ADAMTSL1: variants seen among roughly 807,000 people sequenced by gnomAD.
ADAMTSL1 encodes the protein ADAMTS like 1.
In ADAMTSL1, 126 loss-of-function variants were observed where a neutral mutation model predicts 201.8. The observed-to-expected ratio is 0.62, with a 90% confidence interval of 0.54 to 0.72. The LOEUF is 0.72. ADAMTSL1 is among the 30% of genes least tolerant of loss of function. The pLI is 0.00. For synonymous variants in ADAMTSL1, 1,121 were observed against 903.4 expected (o/e 1.24, Z -4.32); for missense variants, 2,679 against 2,277.8 (o/e 1.18, Z -3.59).
chr9:18,270,015 T>C (rs1832295674), intron 2 of ADAMTSL1, among the ~76,000 whole-genome samples: 1 of 152,088 alleles, frequency 6.6e-6, no homozygotes, highest in Admixed American at 6.6e-5. Flanking sequence ...CTCCTTCCCA[T>C]AATAGGCCAG....
At chr9:18,762,354 A>G (rs1217945082) in intron 16 of ADAMTSL1, among the ~76,000 whole-genome samples, 1 of 152,154 alleles carries the variant, frequency 6.6e-6, no homozygotes, top group African/African-American at 2.4e-5. Flanking sequence ...TTTAAAAAAA[A>G]TACCTATTTT....
intron 1 of ADAMTSL1, among the ~76,000 whole-genome samples, chr9:17,969,232 T>C (rs560330636): frequency 6.6e-6 from 1 of 152,216 alleles, no homozygotes; most frequent in African/African-American, 2.4e-5. Flanking sequence ...CTCTCTGCTA[T>C]TGGAATGAGT....
intron 1 of ADAMTSL1, among the ~76,000 whole-genome samples, chr9:18,504,376 A>C (rs1823008445): frequency 6.6e-6 from 1 of 152,200 alleles, no homozygotes; most frequent in African/African-American, 2.4e-5. Context: ...CTTTATTAAA[A>C]AATTGTCGAT....
At chr9:18,555,444 C>T (rs1821047159) in intron 3 of ADAMTSL1, among the ~76,000 whole-genome samples, 1 of 151,928 alleles carries the variant, frequency 6.6e-6, no homozygotes, top group Admixed American at 6.6e-5. Flanking sequence ...GAGAAGCTTT[C>T]TCAGAGTTTC....
intron 2 of ADAMTSL1, among the ~76,000 whole-genome samples, chr9:18,420,219 T>C (rs1198472402): frequency 6.6e-6 from 1 of 152,088 alleles, no homozygotes; most frequent in Non-Finnish European, 1.5e-5. Flanking sequence ...GGAGTTAAAA[T>C]TGGGGTAGAG....
intron 2 of ADAMTSL1, among the ~76,000 whole-genome samples, chr9:18,309,779 A>G (rs1374763687): frequency 3.3e-5 from 5 of 152,092 alleles, no homozygotes; most frequent in Non-Finnish European, 5.9e-5. Context: ...TACAGATTCA[A>G]TGCTATCCCC....
chr9:18,684,336 A>G (rs1385926115), intron 12 of ADAMTSL1, among the ~76,000 whole-genome samples: 3 of 152,242 alleles, frequency 2.0e-5, no homozygotes, highest in East Asian at 1.9e-4. Context: ...AAATATCACA[A>G]TATAATTGAC....
At chr9:18,208,664 G>T (rs747679331) in intron 2 of ADAMTSL1, among the ~76,000 whole-genome samples, 1 of 152,206 alleles carries the variant, frequency 6.6e-6, no homozygotes, top group Non-Finnish European at 1.5e-5. Flanking sequence ...GAGGGGATAA[G>T]TGATCTGACT....
chr9:18,526,390 C>T (rs1819051510), intron 2 of ADAMTSL1, among the ~76,000 whole-genome samples: 2 of 152,160 alleles, frequency 1.3e-5, no homozygotes. Context: ...GGCTCTTTAT[C>T]CAATTTGCCA....
In ADAMTSL1 at chr9:18,611,550, A is replaced by G. The variant is rs1012241266; in HGVS notation, c.475-10693A>G. 1.7e-3 allele frequency among the ~76,000 whole-genome samples: 256 copies of G among 152,282 alleles called. 1 individual carries two copies. The highest frequency in any genetic ancestry group is 5.8e-3 in the African/African-American group (241 of 41,568). ...AAATTTATGTAAGAATTTGTCCAAG[A>G]CCCTGAAGTAAATAAGACGAGAACA... On this transcript the variant is annotated intron_variant, in intron 4 of 28. Transcript: ENST00000380548.
chr9:18,686,450 T>A (rs7020435), intron 13 of ADAMTSL1, among the ~76,000 whole-genome samples: 10,843 of 152,162 alleles, frequency 0.071, 690 homozygotes, highest in African/African-American at 0.17. Context: ...TTGACAGGCC[T>A]TTTTGTTGCT....
chr9:18,428,428 T>C (rs1361493809), intron 2 of ADAMTSL1, among the ~76,000 whole-genome samples: 1 of 87,028 alleles, frequency 1.1e-5, no homozygotes, highest in East Asian at 3.1e-4. Context: ...GAGACCCCTA[T>C]GTCTACAAAA....
At chr9:18,424,648 A>G (rs1347554775) in intron 2 of ADAMTSL1, among the ~76,000 whole-genome samples, 1 of 152,194 alleles carries the variant, frequency 6.6e-6, no homozygotes, top group Admixed American at 6.5e-5. Context: ...TGTTTATTAG[A>G]AAGAATGAAG....
chr9:18,081,991 G>A (rs1210612390), intron 1 of ADAMTSL1, among the ~76,000 whole-genome samples: 1 of 152,152 alleles, frequency 6.6e-6, no homozygotes, highest in African/African-American at 2.4e-5. Flanking sequence ...CTCTGAACTG[G>A]TGGCTTAATA....
chr9:18,085,432 A>T (rs1028652020), intron 1 of ADAMTSL1, among the ~76,000 whole-genome samples: 17 of 151,964 alleles, frequency 1.1e-4, no homozygotes, highest in African/African-American at 4.1e-4. Flanking sequence ...CATACTAATT[A>T]TATAGTATAT....
chr9:18,735,386 T>G (rs1238881304), intron 15 of ADAMTSL1, among the ~76,000 whole-genome samples: 1 of 152,198 alleles, frequency 6.6e-6, no homozygotes, highest in Non-Finnish European at 1.5e-5. Context: ...TATTTCTTGT[T>G]TTAAGGCATC....
chr9:18,720,938 G>A (rs1434081714), intron 14 of ADAMTSL1, among the ~76,000 whole-genome samples: 2 of 152,216 alleles, frequency 1.3e-5, no homozygotes, highest in Middle Eastern at 3.4e-3. Flanking sequence ...TGTTTTCCAC[G>A]GCTGTGGTTA....
Position 18,770,773 on chromosome 9 carries a change from T to G in ADAMTSL1, c.2389T>G (p.Trp797Gly). ...TCCCAGCGAGTGGCTTCTCTCAGACTGGACAGAGGTATGTATGTTCCTCCG... is the reference window on the plus strand; with the variant it reads ...TCCCAGCGAGTGGCTTCTCTCAGACGGGACAGAGGTATGTATGTTCCTCCG... ...DCPSEWLLSD[W>G]TECSTSCGEG... Residue 797 changes from tryptophan to glycine, a missense_variant, in exon 17 of 29, where the codon TGG becomes GGG. Trp to Gly is a radical substitution (Grantham distance 184). Coordinates refer to ENST00000380548, the MANE Select transcript of ADAMTSL1 (RefSeq NM_001040272.6). 1 of 1,613,776 alleles carries G rather than the reference T, an allele frequency of 6.2e-7. No homozygotes were observed.
At position 18,134,481 on chromosome 9, in the gene ADAMTSL1, C is replaced by T. The variant is rs73645723; in HGVS notation, c.88-29381C>T. 8.3e-3 allele frequency among the ~76,000 whole-genome samples: 1,259 copies of T among 152,216 alleles called. 17 individuals carry two copies. Among genetic ancestry groups the T allele is most frequent in the African/African-American group, 0.027 (1,128 of 41,534 alleles). ...CAAGAAAGAAGCCCTAAGAGTATAA[C>T]GTCCCTAAGGATTCTGTAAAAAGTG... On this transcript the variant is annotated intron_variant, in intron 1 of 29. Transcript: ENST00000680146.
Sources: allele counts gnomAD v4.1 joint callset (sites outside exome capture counted in the v4.1 genomes callset), GRCh38; gene constraint gnomAD v4.1.1; transcripts MANE v1.5; gene names NCBI Gene and HGNC (gene_info 2026-07-23, HGNC 2026-07-21).